ATP7A: variants seen among roughly 807,000 people sequenced by gnomAD.
The protein encoded by ATP7A is copper-transporting ATPase 1.
Under a neutral mutation model 83.5 loss-of-function variants are expected in ATP7A, and 7 were observed. The ratio of observed to expected loss-of-function variants is 0.08; its 90% CI spans 0.05 to 0.16. ATP7A has a LOEUF of 0.16. Ranked by LOEUF, ATP7A falls within the 10% of genes least tolerant of loss-of-function variation. The pLI, the probability that ATP7A is intolerant of heterozygous loss-of-function variation, is 1.00. For synonymous variants in ATP7A, 354 were observed against 395.2 expected, an observed-to-expected ratio of 0.90 and a Z score of 1.24; for missense variants, 940 against 1,120.8, an observed-to-expected ratio of 0.84 and a Z score of 2.30.
intron 1 of ATP7A, among the ~76,000 whole-genome samples, chrX:77,951,567 A>G (rs2077413521): frequency 9.2e-6 from 1 of 108,834 alleles, no homozygotes; most frequent in South Asian, 3.8e-4. Flanking sequence ...TTCTATTCTG[A>G]CATCAGCACA....
Position 78,042,678 on chromosome X carries a change from G to A in ATP7A, c.3895G>A (p.Val1299Met). Residue 1299 changes from valine to methionine, a missense_variant, in exon 20 of 23, where the codon GTG (valine) becomes ATG (methionine). Transcript: ENST00000341514. ...AGAGGAGGGGAAACGGGTAGCAATG[G>A]TGGGAGATGGAATCAATGACTCCCC... ...LQEEGKRVAM[V>M]GDGINDSPAL... is the part of the protein sequence containing the mutation. The A allele has an allele frequency of 8.3e-7, 1 of 1,211,841 alleles. No homozygotes were observed. Among genetic ancestry groups the A allele is most frequent in the Non-Finnish European group, 1.1e-6 (1 of 895,563 alleles).
intron 21 of ATP7A, 144 bp downstream of exon 21, chrX:78,043,578 A>G (rs2078063643): frequency 2.0e-6 from 1 of 498,235 alleles, no homozygotes; most frequent in Non-Finnish European, 3.5e-6. Context: ...GTTAAAATCA[A>G]TCATTTTAAT....
At position 78,015,783 on chromosome X, in the gene ATP7A, A is replaced by G. The variant is rs981999886; in HGVS notation, c.2528A>G (p.Gln843Arg). Reference protein sequence around the residue: ...SEEQVDVELVQRGDIIKVVPG... With the variant: ...SEEQVDVELVRRGDIIKVVPG... ...GAACAAGTGGATGTGGAACTTGTACAACGTGGAGATATCATTAAAGTAGTT... is the reference window on the plus strand; with the variant it reads ...GAACAAGTGGATGTGGAACTTGTACGACGTGGAGATATCATTAAAGTAGTT... Residue 843 changes from glutamine to arginine, a missense_variant, in exon 12 of 23, where the codon CAA (glutamine) becomes CGA (arginine). Gln to Arg is a conservative substitution (Grantham distance 43, BLOSUM62 1). Coordinates refer to ENST00000341514, the MANE Select transcript of ATP7A (RefSeq NM_000052.7). 3.3e-6 allele frequency: 4 copies of G among 1,211,593 alleles called. No homozygotes were observed. The highest frequency in any genetic ancestry group is 4.5e-6 in the Non-Finnish European group (4 of 895,239).
At chrX:78,044,536 G>T (rs1469963078) in intron 21 of ATP7A, among the ~76,000 whole-genome samples, 6 of 111,184 alleles carry the variant, frequency 5.4e-5, no homozygotes, top group Non-Finnish European at 1.1e-4. Flanking sequence ...TTTTCCTCTA[G>T]TCTTTTTTTT....
At chrX:77,966,992 A>G (rs1375536526) in intron 1 of ATP7A, 2 of 251,962 alleles carry the variant, frequency 7.9e-6, no homozygotes, top group East Asian at 2.2e-4. Flanking sequence ...TATGAACAAG[A>G]ACATGCAGCA....
At chrX:78,039,662 C>A (rs1283140722) in intron 18 of ATP7A, among the ~76,000 whole-genome samples, 1 of 112,028 alleles carries the variant, frequency 8.9e-6, no homozygotes, top group Non-Finnish European at 1.9e-5. Flanking sequence ...TTTGTATATT[C>A]CATTCCTAGT....
chrX:78,011,387 G>A, intron 8 of ATP7A, 62 bp from the exon 9 acceptor site: 9 of 1,078,440 alleles, frequency 8.3e-6, no homozygotes, highest in Non-Finnish European at 1.2e-5. Flanking sequence ...GTAGTATGTA[G>A]AATCTTTACC....
At position 77,932,774 on chromosome X, in the gene ATP7A, G is replaced by A. The variant is rs782202060; in HGVS notation, c.-22+21939G>A. 2.0e-4 allele frequency among the ~76,000 whole-genome samples: 22 copies of A among 112,674 alleles called. No homozygotes were observed. The South Asian group carries it at 4.0e-3, about 20-fold the overall frequency. On this transcript the variant is annotated intron_variant, in intron 1 of 22. Coordinates refer to ENST00000341514, the MANE Select transcript of ATP7A (RefSeq NM_000052.7). ...ATGAAAACCAGTCAGGTGTGGCAGCGCGCGCCTGCAATCGCAGGCACTCGG... is the reference window on the plus strand; with the variant it reads ...ATGAAAACCAGTCAGGTGTGGCAGCACGCGCCTGCAATCGCAGGCACTCGG...
chrX:77,957,697 A>G (rs1354846482), intron 1 of ATP7A, among the ~76,000 whole-genome samples: 1 of 109,075 alleles, frequency 9.2e-6, no homozygotes, highest in Non-Finnish European at 1.9e-5. Flanking sequence ...TCCACTCAAA[A>G]CTTCCTTGCT....
At chrX:77,940,392 A>G (rs911720750) in intron 1 of ATP7A, among the ~76,000 whole-genome samples, 26 of 111,564 alleles carry the variant, frequency 2.3e-4, no homozygotes, top group African/African-American at 8.4e-4. Flanking sequence ...GTAGATGAGG[A>G]AAGAGTGGCT....
intron 12 of ATP7A, among the ~76,000 whole-genome samples, chrX:78,016,279 A>G (rs1395608110): frequency 9.0e-6 from 1 of 110,500 alleles, no homozygotes; most frequent in Non-Finnish European, 1.9e-5. Context: ...TCTCATGAGA[A>G]CTCACTCACT....
chrX:77,992,894 G>A (rs1019085783), intron 4 of ATP7A, among the ~76,000 whole-genome samples: 2 of 112,661 alleles, frequency 1.8e-5, no homozygotes, highest in Non-Finnish European at 3.8e-5. Flanking sequence ...GATTACAGGC[G>A]TGAGCCACTG....
chrX:77,972,269 G>A (rs979689251), intron 2 of ATP7A, among the ~76,000 whole-genome samples: 1 of 110,367 alleles, frequency 9.1e-6, no homozygotes, highest in East Asian at 2.8e-4. Context: ...ACAGCTCACT[G>A]CAGCCTAGAT....
chrX:77,954,925 G>A (rs781980273), intron 1 of ATP7A, among the ~76,000 whole-genome samples: 6 of 110,920 alleles, frequency 5.4e-5, no homozygotes, highest in East Asian at 2.8e-4. Context: ...TAATTTCTAC[G>A]TACTTTGTAT....
In ATP7A at chrX:78,031,587, A is replaced by C. The variant is rs370596012; in HGVS notation, c.3294+5A>C. ...ATAACCAAATATTGCAAACAGGTAC[A>C]TTTTTTTCCTCTTGTTTATTAGTGT... On this transcript the variant is annotated splice_donor_5th_base_variant and intron_variant, in intron 16 of 22. Transcript: ENST00000341514. 6.6e-6 allele frequency: 8 copies of C among 1,203,308 alleles called. No homozygotes were observed. The African/African-American group carries it at 1.2e-4, about 18-fold the overall frequency.
At chrX:78,031,690 G>A (rs1486111371) in intron 16 of ATP7A, 108 bp downstream of exon 16, 3 of 852,157 alleles carry the variant, frequency 3.5e-6, no homozygotes, top group Non-Finnish European at 3.5e-6. Flanking sequence ...GTTGGTATGA[G>A]GCTAAAAAGA....
intron 2 of ATP7A, among the ~76,000 whole-genome samples, chrX:77,979,111 T>G (rs2077591636): frequency 9.0e-6 from 1 of 111,346 alleles, no homozygotes; most frequent in Non-Finnish European, 1.9e-5. Context: ...GGATTACAGG[T>G]GTGAGCCACT....
At chrX:78,045,348 A>G (rs1034205192) in intron 21 of ATP7A, 122 bp from the exon 22 acceptor site, 23 of 671,129 alleles carry the variant, frequency 3.4e-5, no homozygotes, top group Admixed American at 7.6e-5. Context: ...AAAAATCTCT[A>G]CCACCAAGAG....
intron 1 of ATP7A, among the ~76,000 whole-genome samples, chrX:77,912,197 C>T (rs1569548593): frequency 9.0e-6 from 1 of 111,239 alleles, no homozygotes; most frequent in Non-Finnish European, 1.9e-5. Context: ...GAAAGATACA[C>T]GATTACCTAA....
Sources: allele counts gnomAD v4.1 joint callset (sites outside exome capture counted in the v4.1 genomes callset), GRCh38; gene constraint gnomAD v4.1.1; transcripts MANE v1.5; gene names NCBI Gene and HGNC (gene_info 2026-07-23, HGNC 2026-07-21).